ARID1B: variants seen among roughly 807,000 people sequenced by gnomAD.
ARID1B encodes the protein AT-rich interaction domain 1B, also known as AT-rich interactive domain-containing protein 1B.
A neutral mutation model predicts 212.3 loss-of-function variants in ARID1B; 30 were observed. The observed-to-expected ratio is 0.14, with a 90% CI of 0.11 to 0.19. The LOEUF (loss-of-function observed/expected upper bound fraction) is 0.19. ARID1B is among the 10% of genes least tolerant of loss of function. ARID1B has a pLI of 1.00. For synonymous variants in ARID1B, 1,402 were observed against 1,301.7 expected (o/e 1.08, Z -1.66); for missense variants, 2,891 against 3,204.0 (o/e 0.90, Z 2.36).
At chr6:157,005,373 C>T (rs148041927) in intron 4 of ARID1B, among the ~76,000 whole-genome samples, 22 of 152,052 alleles carry the variant, frequency 1.4e-4, no homozygotes, top group Non-Finnish European at 2.6e-4. Context: ...CCGGGCTGTT[C>T]TCGAACTCCT....
intron 1 of ARID1B, among the ~76,000 whole-genome samples, chr6:156,796,484 TGA>T (rs551805806): frequency 9.6e-4 from 146 of 152,100 alleles, no homozygotes; most frequent in African/African-American, 3.4e-3. Flanking sequence ...GTCATTATGA[TGA>T]AAGGTATCTT....
At chr6:156,784,695 A>T (rs1779512899) in intron 1 of ARID1B, among the ~76,000 whole-genome samples, 1 of 152,174 alleles carries the variant, frequency 6.6e-6, no homozygotes. Context: ...TTTTCACTAA[A>T]TATGTTCTAT....
chr6:157,080,369 G>A (rs1011409186), intron 4 of ARID1B, among the ~76,000 whole-genome samples: 2 of 152,130 alleles, frequency 1.3e-5, no homozygotes, highest in South Asian at 2.1e-4. Context: ...GCTAACTTAC[G>A]CTAAATTGAA....
intron 4 of ARID1B, among the ~76,000 whole-genome samples, chr6:157,077,389 C>G (rs1784374057): frequency 2.0e-5 from 3 of 152,184 alleles, no homozygotes; most frequent in Non-Finnish European, 4.4e-5. Context: ...ATGTAGGCCC[C>G]TGTTCCTTGG....
intron 11 of ARID1B, 32 bp from the exon 12 acceptor site, chr6:157,180,937 C>T (rs2128316373): frequency 6.3e-7 from 1 of 1,591,654 alleles, no homozygotes; most frequent in Non-Finnish European, 8.6e-7. Flanking sequence ...CCCACCCATG[C>T]CCCACCTCCA....
chr6:157,047,315 A>G (rs182466662), intron 4 of ARID1B, among the ~76,000 whole-genome samples: 145 of 152,332 alleles, frequency 9.5e-4, no homozygotes, highest in African/African-American at 3.4e-3. Flanking sequence ...AGCCCAGCAA[A>G]GAAGGTGTGA....
intron 1 of ARID1B, among the ~76,000 whole-genome samples, chr6:156,796,843 C>T (rs936665164): frequency 1.3e-5 from 2 of 152,058 alleles, no homozygotes; most frequent in African/African-American, 2.4e-5. Context: ...CTGGGGTGGG[C>T]GTAGGAGCAG....
At chr6:156,909,191 T>C (rs1789666837) in intron 3 of ARID1B, among the ~76,000 whole-genome samples, 1 of 139,976 alleles carries the variant, frequency 7.1e-6, no homozygotes, top group Non-Finnish European at 1.5e-5. Flanking sequence ...AGTGGTGCAA[T>C]CTTGGCTCAC....
chr6:157,204,221 G>C, intron 19 of ARID1B: 1 of 483,668 alleles, frequency 2.1e-6, no homozygotes. Flanking sequence ...TCTTATGAGA[G>C]AACAGTGACT....
At chr6:157,057,748 TC>T (rs1783060468) in intron 4 of ARID1B, among the ~76,000 whole-genome samples, 1 of 152,208 alleles carries the variant, frequency 6.6e-6, no homozygotes. Context: ...AAAGCAAGTC[TC>T]ATTATTTTTG....
Position 157,173,962 on chromosome 6 carries a change from C to T in ARID1B, c.3236-46C>T, listed in dbSNP as rs527535251. On this transcript the variant is annotated intron_variant, in intron 9 of 19. Coordinates refer to ENST00000636930, the MANE Select transcript of ARID1B (RefSeq NM_001374828.1). Reference sequence around the variant, plus strand: ...TTGTGTTGGCAGGAGTACAGTCTGACGAATCACACATATAATCCTAAACTC... The same window carrying T: ...TTGTGTTGGCAGGAGTACAGTCTGATGAATCACACATATAATCCTAAACTC... 1.3e-5 allele frequency: 20 copies of T among 1,528,520 alleles called. No individual in the cohort carries two copies. The East Asian group carries it at 1.4e-4, about 10-fold the overall frequency. The allele number at this position is 1,528,520 out of a possible 1,614,324, so 94.7% of individuals were successfully genotyped here.
chr6:157,187,698 A>G (rs545771844), intron 13 of ARID1B, among the ~76,000 whole-genome samples: 1 of 151,814 alleles, frequency 6.6e-6, no homozygotes, highest in East Asian at 1.9e-4. Flanking sequence ...AGAGCCTGCC[A>G]GCCTCCTCTA....
chr6:157,027,297 C>T (rs1284859906), intron 4 of ARID1B, among the ~76,000 whole-genome samples: 1 of 152,150 alleles, frequency 6.6e-6, no homozygotes, highest in East Asian at 1.9e-4. Context: ...TACATTCTTT[C>T]TTTTATTGAA....
intron 4 of ARID1B, among the ~76,000 whole-genome samples, chr6:157,019,505 T>G (rs1780099786): frequency 6.6e-6 from 1 of 152,244 alleles, no homozygotes; most frequent in Non-Finnish European, 1.5e-5. Flanking sequence ...TTCTGTTTAG[T>G]GTTACCTGAG....
intron 4 of ARID1B, among the ~76,000 whole-genome samples, chr6:157,004,066 TACC>T (rs1779062801): frequency 6.6e-6 from 1 of 151,818 alleles, no homozygotes; most frequent in African/African-American, 2.4e-5. Flanking sequence ...CAAAAAACAA[TACC>T]ACCACAAATT....
intron 4 of ARID1B, among the ~76,000 whole-genome samples, chr6:157,032,571 G>C (rs942665483): frequency 6.6e-6 from 1 of 152,018 alleles, no homozygotes; most frequent in African/African-American, 2.4e-5. Flanking sequence ...GAGAAACCTA[G>C]GTGTACACAT....
Position 156,778,754 on chromosome 6 carries a change from G to T in ARID1B, c.1074G>T (p.Gly358=). 1 of 1,523,022 alleles carries T rather than the reference G, an allele frequency of 6.6e-7. No individual in the cohort carries two copies. The highest frequency in any genetic ancestry group is 8.8e-7 in the Non-Finnish European group (1 of 1,133,408). The allele number at this position is 1,523,022 out of a possible 1,614,324, so 94.3% of individuals were successfully genotyped here. The change falls in exon 1 of 20, where the codon GGG becomes GGT. Residue 358 remains glycine (G), a synonymous_variant. Transcript: ENST00000636930. ...MMHSASAAAA[G]APGSMDPLQN... ...ACTCCGCCTCCGCCGCCGCCGCCGG[G>T]GCCCCCGGCAGCATGGACCCCCTGC...
chr6:156,982,600 T>C (rs1777673425), intron 4 of ARID1B, among the ~76,000 whole-genome samples: 1 of 152,120 alleles, frequency 6.6e-6, no homozygotes. Context: ...TTTTCTTTCC[T>C]TCACTGATTT....
At chr6:157,177,619 A>G (rs1053841496) in intron 11 of ARID1B, among the ~76,000 whole-genome samples, 1 of 152,244 alleles carries the variant, frequency 6.6e-6, no homozygotes, top group Non-Finnish European at 1.5e-5. Context: ...CATATGGTAA[A>G]GACTGCTGAA....
Sources: gnomAD v4.1 joint callset for allele counts (sites outside exome capture counted in the v4.1 genomes callset) on GRCh38, gnomAD v4.1.1 for gene constraint, MANE v1.5 for transcripts, NCBI Gene and HGNC (gene_info 2026-07-23, HGNC 2026-07-21) for gene names.